Variants in RALGAPA2 observed in about 807,000 individuals in gnomAD.
The protein encoded by RALGAPA2 is ral GTPase-activating protein subunit alpha-2.
Under a neutral mutation model 230.4 loss-of-function variants are expected in RALGAPA2, and 139 were observed. The ratio of observed to expected loss-of-function variants is 0.60; its 90% confidence interval spans 0.53 to 0.69. RALGAPA2 has a LOEUF of 0.69. RALGAPA2 is among the 30% of genes least tolerant of loss of function. The probability of loss-of-function intolerance (pLI) is 0.00; values close to 1 mark genes in which losing one functional copy is unlikely to be tolerated. For synonymous variants in RALGAPA2, 847 were observed against 837.8 expected (o/e 1.01, Z -0.19); for missense variants, 2,163 against 2,276.0 (o/e 0.95, Z 1.01).
At position 20,393,007 on chromosome 20, in the gene RALGAPA2, G is replaced by T. The variant is rs1414531747; in HGVS notation, c.*282C>A. ...TTTCTTTTCTTCTTTGGAAGTCCAAGGTTTGTGAGGTTTCAGGACAAGATG... is the reference window on the plus strand; with the variant it reads ...TTTCTTTTCTTCTTTGGAAGTCCAATGTTTGTGAGGTTTCAGGACAAGATG... On this transcript the variant is annotated 3_prime_UTR_variant, in exon 40 of 40. Coordinates refer to ENST00000202677, the MANE Select transcript of RALGAPA2 (RefSeq NM_020343.4). 3 of 1,160,624 alleles carry T rather than the reference G, an allele frequency of 2.6e-6. No homozygotes were observed. The African/African-American group carries it at 4.9e-5, about 19-fold the overall frequency. The allele number at this position is 1,160,624 out of a possible 1,614,324, so 71.9% of individuals were successfully genotyped here.
intron 20 of RALGAPA2, among the ~76,000 whole-genome samples, chr20:20,573,539 A>G (rs563248242): frequency 6.6e-5 from 10 of 152,334 alleles, no homozygotes; most frequent in Admixed American, 3.9e-4. Flanking sequence ...CTGTTGCCAT[A>G]AACTGCCACC....
chr20:20,701,942 A>G (rs2069389673), intron 1 of RALGAPA2, among the ~76,000 whole-genome samples: 1 of 151,622 alleles, frequency 6.6e-6, no homozygotes, highest in African/African-American at 2.4e-5. Context: ...CGGGAGGCTG[A>G]GGCAGGAGAA....
intron 35 of RALGAPA2, among the ~76,000 whole-genome samples, chr20:20,500,632 G>A (rs1321348414): frequency 2.0e-5 from 3 of 152,144 alleles, no homozygotes; most frequent in Non-Finnish European, 2.9e-5. Context: ...ATCCATGAGG[G>A]TGGGACTCTA....
chr20:20,690,549 C>T (rs2068864792), intron 1 of RALGAPA2, among the ~76,000 whole-genome samples: 1 of 152,138 alleles, frequency 6.6e-6, no homozygotes, highest in Non-Finnish European at 1.5e-5. Context: ...ACTAATCTCA[C>T]CCTAGCTTCC....
chr20:20,490,628 C>T (rs2062025424), intron 36 of RALGAPA2, among the ~76,000 whole-genome samples: 1 of 152,098 alleles, frequency 6.6e-6, no homozygotes, highest in African/African-American at 2.4e-5. Context: ...AAGAAATTTA[C>T]ATAACCATGT....
At chr20:20,630,573 A>T (rs2066640024) in intron 9 of RALGAPA2, among the ~76,000 whole-genome samples, 1 of 152,238 alleles carries the variant, frequency 6.6e-6, no homozygotes, top group Admixed American at 6.5e-5. Flanking sequence ...GTCGCACTGT[A>T]AGATGTGCTC....
At chr20:20,462,751 G>C (rs1055883820) in intron 37 of RALGAPA2, among the ~76,000 whole-genome samples, 20 of 152,152 alleles carry the variant, frequency 1.3e-4, no homozygotes, top group Admixed American at 9.2e-4. Context: ...CACTGTATAC[G>C]CCAGGGCAGA....
At chr20:20,634,284 T>C (rs2066782033) in intron 9 of RALGAPA2, among the ~76,000 whole-genome samples, 1 of 152,148 alleles carries the variant, frequency 6.6e-6, no homozygotes, top group African/African-American at 2.4e-5. Flanking sequence ...TTTCGAACTC[T>C]AAGTTTTTAG....
At chr20:20,539,557 T>A (rs1453133989) in intron 24 of RALGAPA2, among the ~76,000 whole-genome samples, 1 of 152,228 alleles carries the variant, frequency 6.6e-6, no homozygotes, top group African/African-American at 2.4e-5. Flanking sequence ...AAATACATTA[T>A]AAAATGATTA....
At chr20:20,415,819 T>A (rs1346665560) in intron 37 of RALGAPA2, among the ~76,000 whole-genome samples, 1 of 152,246 alleles carries the variant, frequency 6.6e-6, no homozygotes, top group Non-Finnish European at 1.5e-5. Context: ...CCAAGAGAAC[T>A]TCTCGAGACT....
intron 3 of RALGAPA2, among the ~76,000 whole-genome samples, chr20:20,668,575 T>C (rs2068033477): frequency 1.3e-5 from 2 of 152,198 alleles, no homozygotes; most frequent in African/African-American, 2.4e-5. Context: ...TTTTACACTC[T>C]CATTAGGAAA....
intron 36 of RALGAPA2, among the ~76,000 whole-genome samples, chr20:20,484,582 T>C (rs2061859992): frequency 1.3e-5 from 2 of 152,180 alleles, no homozygotes; most frequent in South Asian, 4.1e-4. Context: ...GGCATCTCCA[T>C]GAATATATTT....
intron 38 of RALGAPA2, among the ~76,000 whole-genome samples, chr20:20,404,835 CT>C (rs1383208202): frequency 6.6e-6 from 1 of 152,158 alleles, no homozygotes; most frequent in Non-Finnish European, 1.5e-5. Flanking sequence ...AAAACCGCAC[CT>C]TCAGAGTTCT....
chr20:20,515,266 G>A (rs892553156), intron 31 of RALGAPA2, among the ~76,000 whole-genome samples: 2 of 152,192 alleles, frequency 1.3e-5, no homozygotes, highest in African/African-American at 2.4e-5. Context: ...AAAACCTGCC[G>A]ACAGAAGTGC....
intron 37 of RALGAPA2, among the ~76,000 whole-genome samples, chr20:20,442,297 T>C (rs777555843): frequency 2.0e-5 from 3 of 152,248 alleles, no homozygotes; most frequent in South Asian, 4.1e-4. Flanking sequence ...TTATGACTTA[T>C]AGATTGGCCA....
intron 37 of RALGAPA2, among the ~76,000 whole-genome samples, chr20:20,467,017 T>C (rs1397745239): frequency 1.3e-5 from 2 of 152,170 alleles, no homozygotes; most frequent in Admixed American, 1.3e-4. Flanking sequence ...TAGACCTTTA[T>C]GAAAGTTACT....
intron 16 of RALGAPA2, among the ~76,000 whole-genome samples, chr20:20,600,582 G>A (rs2065609319): frequency 6.6e-6 from 1 of 152,196 alleles, no homozygotes; most frequent in African/African-American, 2.4e-5. Context: ...TAAACCATCT[G>A]TATTAAGCCT....
intron 37 of RALGAPA2, among the ~76,000 whole-genome samples, chr20:20,465,493 C>T (rs745731521): frequency 6.6e-6 from 1 of 152,028 alleles, no homozygotes; most frequent in South Asian, 2.1e-4. Flanking sequence ...GATGCAGTGA[C>T]CCACTGGGGA....
intron 6 of RALGAPA2, among the ~76,000 whole-genome samples, 188 bp downstream of exon 6, chr20:20,640,513 A>G (rs1250652653): frequency 6.6e-6 from 1 of 152,164 alleles, no homozygotes; most frequent in Non-Finnish European, 1.5e-5. Flanking sequence ...TCCTGTTTTC[A>G]TTTCATATAA....
Sources: gnomAD v4.1 joint callset for allele counts (sites outside exome capture counted in the v4.1 genomes callset) on GRCh38, gnomAD v4.1.1 for gene constraint, MANE v1.5 for transcripts, NCBI Gene and HGNC (gene_info 2026-07-23, HGNC 2026-07-21) for gene names.